The following PRKN variants were observed in gnomAD, a reference collection of about 807,000 sequenced individuals.
PRKN encodes the protein parkin RBR E3 ubiquitin protein ligase.
In PRKN, 56 loss-of-function variants were observed where a neutral mutation model predicts 59.5. The observed-to-expected ratio is 0.94, with a 90% CI of 0.76 to 1.18. The LOEUF (loss-of-function observed/expected upper bound fraction) is 1.18, where lower values mean the gene tolerates loss of function less well. Among genes scored for constraint, PRKN ranks in the 50% most tolerant of loss-of-function variants. The probability of loss-of-function intolerance (pLI) is 0.00; values close to 1 mark genes in which losing one functional copy is unlikely to be tolerated. For synonymous variants in PRKN, 250 were observed against 222.1 expected (o/e 1.13, Z -1.12); for missense variants, 657 against 596.4 (o/e 1.10, Z -1.06).
intron 2 of PRKN, among the ~76,000 whole-genome samples, chr6:162,434,219 T>A (rs1789667187): frequency 1.3e-5 from 2 of 152,194 alleles, no homozygotes; most frequent in African/African-American, 4.8e-5. Flanking sequence ...AAACATTTTT[T>A]AAAAATCCAA....
At chr6:162,188,578 T>G (rs1032960676) in intron 4 of PRKN, among the ~76,000 whole-genome samples, 11 of 152,196 alleles carry the variant, frequency 7.2e-5, no homozygotes, top group African/African-American at 2.4e-4. Context: ...TTTCAGGATC[T>G]TCTTTCATAG....
At chr6:161,673,466 A>G (rs767159427) in intron 7 of PRKN, among the ~76,000 whole-genome samples, 3 of 152,188 alleles carry the variant, frequency 2.0e-5, no homozygotes, top group Admixed American at 6.5e-5. Context: ...AAAGGCTTGA[A>G]AGGATGGCAG....
At chr6:162,251,137 C>T (rs1298111097) in intron 3 of PRKN, among the ~76,000 whole-genome samples, 1 of 152,122 alleles carries the variant, frequency 6.6e-6, no homozygotes, top group East Asian at 1.9e-4. Flanking sequence ...ATCTTCTATT[C>T]TTCAATGATT....
At chr6:161,766,609 C>G (rs139747648) in intron 7 of PRKN, among the ~76,000 whole-genome samples, 1 of 152,098 alleles carries the variant, frequency 6.6e-6, no homozygotes, top group Admixed American at 6.5e-5. Context: ...CCCCTCCCCA[C>G]GGTTCCACAG....
At chr6:162,003,257 G>T (rs1283083001) in intron 5 of PRKN, among the ~76,000 whole-genome samples, 1 of 151,732 alleles carries the variant, frequency 6.6e-6, no homozygotes, top group Non-Finnish European at 1.5e-5. Flanking sequence ...GCGAGTAGAT[G>T]GGTTATAAGG....
At chr6:161,881,447 G>A (rs566563501) in intron 6 of PRKN, among the ~76,000 whole-genome samples, 2 of 152,266 alleles carry the variant, frequency 1.3e-5, no homozygotes, top group East Asian at 3.9e-4. Context: ...GAGTGGGGCT[G>A]AGTGGTTTAG....
In PRKN at chr6:162,584,212, C is replaced by CAA. The variant is rs777161921; in HGVS notation, c.8-140741_8-140740dup. Reference sequence around the variant, plus strand: ...TGGGCGACAGAGTGAGACTCCGTCTCAAAAAAAAAAAACAAAAAACAAAAA... The same window carrying CAA: ...TGGGCGACAGAGTGAGACTCCGTCTCAAAAAAAAAAAAAACAAAAAACAAAAA... On this transcript the variant is annotated intron_variant, in intron 1 of 11. Coordinates refer to ENST00000366898, the MANE Select transcript of PRKN (RefSeq NM_004562.3). Among the ~76,000 whole-genome samples, 204 of 91,226 alleles carry CAA rather than the reference C, an allele frequency of 2.2e-3. 1 individual carries two copies. Among genetic ancestry groups the CAA allele is most frequent in the African/African-American group, 6.2e-3 (166 of 26,790 alleles). 59.8% of individuals were successfully genotyped at this position (91,226 alleles called of 152,430 possible).
chr6:162,727,754 T>G lies in PRKN; in HGVS notation c.-86A>C. 5 of 1,412,580 alleles carry G rather than the reference T, an allele frequency of 3.5e-6. No individual in the cohort carries two copies. The highest frequency in any genetic ancestry group is 3.9e-6 in the Non-Finnish European group (4 of 1,022,892). The allele number at this position is 1,412,580 out of a possible 1,614,324, so 87.5% of individuals were successfully genotyped here. A position where few individuals can be genotyped will look rare whatever the true frequency, so the allele number is the denominator to read the frequency against. On this transcript the variant is annotated 5_prime_UTR_variant, in exon 1 of 12. Coordinates refer to ENST00000366898, the MANE Select transcript of PRKN (RefSeq NM_004562.3). ...CCGCGCCTCCCACCAGCGGCTCTCC[T>G]GGGTTAAATCCTCCAGGCCTCCCCG...
At position 161,462,066 on chromosome 6, in the gene PRKN, A is replaced by G. The variant is rs1032201664; in HGVS notation, c.1084-75189T>C. Among the ~76,000 whole-genome samples, 5 of 152,192 alleles carry G rather than the reference A, an allele frequency of 3.3e-5. No homozygotes were observed. The highest frequency in any genetic ancestry group is 5.9e-5 in the Non-Finnish European group (4 of 68,030). On this transcript the variant is annotated intron_variant, in intron 9 of 11. Transcript: ENST00000366898. This position sits in a 1 kb window ranked among gnomAD's most constrained non-coding sequence, Gnocchi z 4.5. The stretch of plus-strand genomic sequence containing the variant: ...GTGAGAAGGGCACCCACAAGCTAGC[A>G]GGGGAGGGAACAGTCAACAGTGCCA...
In PRKN at chr6:161,887,823, G is replaced by A. The variant is rs1013832319; in HGVS notation, c.734+85479C>T. ...ACAGTTATTTTGTCCCATTAAGGTC[G>A]ATGCGATTTTTACCAGATATAGAAA... On this transcript the variant is annotated intron_variant, in intron 6 of 11. Transcript: ENST00000366898. 2.7e-4 allele frequency among the ~76,000 whole-genome samples: 41 copies of A among 152,124 alleles called. 1 individual carries two copies. The highest frequency in any genetic ancestry group is 2.6e-3 in the Admixed American group (39 of 15,278).
intron 6 of PRKN, among the ~76,000 whole-genome samples, chr6:161,943,051 A>G (rs1490055920): frequency 6.6e-6 from 1 of 152,248 alleles, no homozygotes; most frequent in African/African-American, 2.4e-5. Context: ...AGAGTCAGCT[A>G]AAATGATATC....
intron 6 of PRKN, among the ~76,000 whole-genome samples, chr6:161,941,941 G>T (rs1185079694): frequency 6.6e-6 from 1 of 152,162 alleles, no homozygotes; most frequent in African/African-American, 2.4e-5. Context: ...GAAGCAGGAG[G>T]TGGGTGTTTT....
chr6:162,219,673 G>A (rs989510752), intron 3 of PRKN, among the ~76,000 whole-genome samples: 2 of 151,488 alleles, frequency 1.3e-5, no homozygotes, highest in East Asian at 1.9e-4. Flanking sequence ...TTCACAAATG[G>A]GTATCTTCAA....
intron 9 of PRKN, among the ~76,000 whole-genome samples, chr6:161,540,813 A>G (rs979017920): frequency 5.3e-5 from 8 of 152,182 alleles, no homozygotes; most frequent in Non-Finnish European, 8.8e-5. Flanking sequence ...CCTATAGGAA[A>G]GAAATTGGTT....
rs2115161898 is a variant in PRKN at position 161,460,609 on chromosome 6, C to T, written c.1084-73732G>A. ...CATGTGCTGGCAGGAGTTCCGGGGGCACAAGGCCAAGCTGAAGAAGACACA... is the reference window on the plus strand; with the variant it reads ...CATGTGCTGGCAGGAGTTCCGGGGGTACAAGGCCAAGCTGAAGAAGACACA... On this transcript the variant is annotated intron_variant, in intron 9 of 11. Coordinates refer to ENST00000366898, the MANE Select transcript of PRKN (RefSeq NM_004562.3). This position sits in a 1 kb window ranked among gnomAD's most constrained non-coding sequence, Gnocchi z 5.0. Among the ~76,000 whole-genome samples the T allele has an allele frequency of 6.6e-6, 1 of 152,224 alleles. No individual in the cohort carries two copies. The highest frequency in any genetic ancestry group is 2.1e-4 in the South Asian group (1 of 4,822).
intron 9 of PRKN, among the ~76,000 whole-genome samples, chr6:161,398,544 C>T (rs1325584525): frequency 2.0e-5 from 3 of 152,156 alleles, no homozygotes; most frequent in Non-Finnish European, 4.4e-5. Flanking sequence ...CCAAAAGTTC[C>T]TACTCAGGAA....
rs1786735119 is a variant in PRKN at position 161,395,922 on chromosome 6, C to A, written c.1084-9045G>T. 3.3e-5 allele frequency among the ~76,000 whole-genome samples: 5 copies of A among 152,168 alleles called. No homozygotes were observed. Among genetic ancestry groups the A allele is most frequent in the Non-Finnish European group, 7.4e-5 (5 of 68,012 alleles). On this transcript the variant is annotated intron_variant, in intron 9 of 11. Transcript: ENST00000366898. The surrounding 1 kb of genome is among the most constrained non-coding windows in gnomAD (Gnocchi z 5.0). The stretch of plus-strand genomic sequence containing the variant: ...AATTTAAGCTCAGCGGCTTTAAACA[C>A]AGACAGCCAACAAATTAGAGGTCCA...
intron 1 of PRKN, among the ~76,000 whole-genome samples, chr6:162,591,102 T>A (rs1333051308): frequency 2.0e-5 from 3 of 152,138 alleles, no homozygotes; most frequent in African/African-American, 7.2e-5. Context: ...AGGCTGAGAT[T>A]AGGCTACAAG....
intron 7 of PRKN, among the ~76,000 whole-genome samples, chr6:161,777,908 G>GTATACATATATA (rs1242912497): frequency 7.0e-6 from 1 of 143,776 alleles, no homozygotes. Flanking sequence ...ACATATATAT[G>GTATACATATATA]TGTATATATA....
Sources: gnomAD v4.1 joint callset for allele counts (sites outside exome capture counted in the v4.1 genomes callset) on GRCh38, gnomAD v4.1.1 for gene constraint, Gnocchi (gnomAD v3.1) non-coding constraint, MANE v1.5 for transcripts, NCBI Gene and HGNC (gene_info 2026-07-23, HGNC 2026-07-21) for gene names.